The following AGBL4 variants were observed in gnomAD, a reference collection of about 807,000 sequenced individuals.
The protein encoded by AGBL4 is cytosolic carboxypeptidase 6.
Under a neutral mutation model 66.4 loss-of-function variants are expected in AGBL4, and 58 were observed. The observed-to-expected ratio is 0.87, with a 90% CI of 0.71 to 1.09. The LOEUF (loss-of-function observed/expected upper bound fraction) is 1.09, where lower values mean the gene tolerates loss of function less well. AGBL4 is among the 50% of genes least tolerant of loss of function. The pLI, the probability that AGBL4 is intolerant of heterozygous loss-of-function variation, is 0.00. For synonymous variants in AGBL4, 234 were observed against 222.9 expected, an observed-to-expected ratio of 1.05 and a Z score of -0.44; for missense variants, 579 against 631.0, an observed-to-expected ratio of 0.92 and a Z score of 0.88.
chr1:49,573,138 G>C (rs1369631501), intron 3 of AGBL4, among the ~76,000 whole-genome samples: 2 of 134,410 alleles, frequency 1.5e-5, no homozygotes, highest in Non-Finnish European at 3.1e-5. Flanking sequence ...GTGTCTGTGT[G>C]TGTGTGTCTG....
intron 1 of AGBL4, among the ~76,000 whole-genome samples, chr1:49,866,798 CT>C (rs545014006): frequency 5.4e-4 from 79 of 145,652 alleles, no homozygotes; most frequent in South Asian, 8.7e-4. Flanking sequence ...CCAAGAATTT[CT>C]TTTTTTTTTT....
chr1:49,181,103 A>G (rs575777465), intron 4 of AGBL4, among the ~76,000 whole-genome samples: 1 of 152,218 alleles, frequency 6.6e-6, no homozygotes, highest in South Asian at 2.1e-4. Context: ...GGACAAGGAC[A>G]TATTTAGGCT....
intron 6 of AGBL4, among the ~76,000 whole-genome samples, chr1:48,756,808 A>G (rs1371471215): frequency 2.0e-5 from 3 of 152,138 alleles, no homozygotes; most frequent in Non-Finnish European, 4.4e-5. Flanking sequence ...TAGCCCTGAG[A>G]GGATAGGGTG....
At chr1:49,817,003 TCTC>T (rs1645249142) in intron 2 of AGBL4, among the ~76,000 whole-genome samples, 1 of 152,146 alleles carries the variant, frequency 6.6e-6, no homozygotes, top group Admixed American at 6.5e-5. Context: ...GTCCATTACT[TCTC>T]CTCCACTCAT....
chr1:49,132,178 T>A (rs181467229), intron 4 of AGBL4, among the ~76,000 whole-genome samples: 4 of 152,126 alleles, frequency 2.6e-5, no homozygotes, highest in Admixed American at 2.6e-4. Flanking sequence ...TTTAGGACAG[T>A]GTGGTTAACA....
chr1:49,354,092 C>A (rs1643968108), intron 3 of AGBL4, among the ~76,000 whole-genome samples: 1 of 152,172 alleles, frequency 6.6e-6, no homozygotes, highest in South Asian at 2.1e-4. Context: ...TGGATGGCAA[C>A]TGCTAAAAGA....
At chr1:48,628,075 A>G (rs1224842316) in intron 9 of AGBL4, among the ~76,000 whole-genome samples, 1 of 152,176 alleles carries the variant, frequency 6.6e-6, no homozygotes, top group African/African-American at 2.4e-5. Flanking sequence ...TTCATCATTC[A>G]ACAGAATATT....
At chr1:48,834,721 A>G (rs944766603) in intron 6 of AGBL4, among the ~76,000 whole-genome samples, 7 of 152,184 alleles carry the variant, frequency 4.6e-5, no homozygotes, top group African/African-American at 1.7e-4. Flanking sequence ...CACTAAGTCT[A>G]TGGCATTTTG....
intron 1 of AGBL4, among the ~76,000 whole-genome samples, chr1:49,934,190 A>G (rs1282127030): frequency 6.6e-6 from 1 of 152,200 alleles, no homozygotes; most frequent in Non-Finnish European, 1.5e-5. Context: ...TGAAAGGAGA[A>G]ATCAACAGCA....
intron 3 of AGBL4, among the ~76,000 whole-genome samples, chr1:49,510,813 T>C (rs1467725459): frequency 6.6e-6 from 1 of 150,732 alleles, no homozygotes; most frequent in Non-Finnish European, 1.5e-5. Context: ...GCTAGCCAGT[T>C]TTCCCAGCAC....
chr1:49,579,792 C>T (rs770024880), intron 3 of AGBL4, among the ~76,000 whole-genome samples: 2 of 152,210 alleles, frequency 1.3e-5, no homozygotes, highest in Non-Finnish European at 2.9e-5. Flanking sequence ...AGCCACTGCA[C>T]CCAGCCTAGA....
intron 3 of AGBL4, among the ~76,000 whole-genome samples, chr1:49,568,308 T>C (rs1644254941): frequency 6.6e-6 from 1 of 152,114 alleles, no homozygotes; most frequent in Admixed American, 6.5e-5. Context: ...ACAAAATTAA[T>C]GTAAAAAATG....
rs560413101 is a variant in AGBL4 at position 49,521,812 on chromosome 1, C to T, written c.282+175501G>A. Among the ~76,000 whole-genome samples, 34 of 152,070 alleles carry T rather than the reference C, an allele frequency of 2.2e-4. 1 individual carries two copies. Among genetic ancestry groups the T allele is most frequent in the Admixed American group, 7.9e-4 (12 of 15,276 alleles). ...CAAAAATTAAAATTTACAAGTGGGA[C>T]CTAATTAAACTAAAGAGTGTCTTCA... On this transcript the variant is annotated intron_variant, in intron 3 of 13. Transcript: ENST00000371839.
chr1:49,869,146 G>T (rs1646776876), intron 1 of AGBL4, among the ~76,000 whole-genome samples: 2 of 152,198 alleles, frequency 1.3e-5, no homozygotes, highest in African/African-American at 2.4e-5. Flanking sequence ...TACACTGTTG[G>T]TGGGAATGTA....
chr1:49,965,822 A>G (rs1053448788), intron 1 of AGBL4, among the ~76,000 whole-genome samples: 5 of 152,194 alleles, frequency 3.3e-5, no homozygotes. Context: ...TCTACAATAA[A>G]TAATTTTATT....
chr1:48,692,525 A>G (rs1646649275), intron 6 of AGBL4, among the ~76,000 whole-genome samples: 1 of 152,166 alleles, frequency 6.6e-6, no homozygotes, highest in African/African-American at 2.4e-5. Flanking sequence ...ACGGAACCAT[A>G]AGGGGAGTAA....
At chr1:49,991,165 C>T (rs11576945) in intron 1 of AGBL4, among the ~76,000 whole-genome samples, 13,443 of 152,078 alleles carry the variant, frequency 0.088, 892 homozygotes, top group East Asian at 0.32. Flanking sequence ...GCAATATTTA[C>T]GTATAATAAC....
chr1:48,692,962 A>G (rs1362106913), intron 6 of AGBL4, among the ~76,000 whole-genome samples: 1 of 152,164 alleles, frequency 6.6e-6, no homozygotes, highest in Non-Finnish European at 1.5e-5. Flanking sequence ...CTTCTGAATA[A>G]CCCTATCCAG....
intron 1 of AGBL4, among the ~76,000 whole-genome samples, chr1:50,021,141 T>C (rs1220230885): frequency 6.6e-6 from 1 of 152,252 alleles, no homozygotes; most frequent in Non-Finnish European, 1.5e-5. Flanking sequence ...CTTCATTTTA[T>C]ATTGTTTGGC....
Sources: gnomAD v4.1 joint callset for allele counts (sites outside exome capture counted in the v4.1 genomes callset) on GRCh38, gnomAD v4.1.1 for gene constraint, MANE v1.5 for transcripts, NCBI Gene and HGNC (gene_info 2026-07-23, HGNC 2026-07-21) for gene names.